NDUFA9: variants seen among roughly 807,000 people sequenced by gnomAD.
NDUFA9 encodes the protein NADH:ubiquinone oxidoreductase subunit A9.
A neutral mutation model predicts 45.9 loss-of-function variants in NDUFA9; 23 were observed. The ratio of observed to expected loss-of-function variants is 0.50; its 90% CI spans 0.36 to 0.71. The LOEUF (loss-of-function observed/expected upper bound fraction) is 0.71, where lower values mean the gene tolerates loss of function less well. Ranked by LOEUF, NDUFA9 falls within the 30% of genes least tolerant of loss-of-function variation. The probability of loss-of-function intolerance (pLI) is 0.00; values close to 1 mark genes in which losing one functional copy is unlikely to be tolerated. For synonymous variants in NDUFA9, 176 were observed against 170.5 expected (o/e 1.03, Z -0.25); for missense variants, 466 against 488.2 (o/e 0.95, Z 0.43).
intron 1 of NDUFA9, among the ~76,000 whole-genome samples, chr12:4,650,692 A>T (rs1945753895): frequency 6.6e-6 from 1 of 152,202 alleles, no homozygotes; most frequent in South Asian, 2.1e-4. Context: ...AAAGGGAAAG[A>T]TTAGTATCAT....
At chr12:4,662,041 C>T (rs1945826119) in intron 5 of NDUFA9, among the ~76,000 whole-genome samples, 1 of 152,052 alleles carries the variant, frequency 6.6e-6, no homozygotes, top group Non-Finnish European at 1.5e-5. Context: ...GAAGACTTGC[C>T]TAGGAGGCTA....
At chr12:4,668,400 T>C (rs1945865611) in intron 6 of NDUFA9, 57 bp from the exon 7 acceptor site, 1 of 1,326,288 alleles carries the variant, frequency 7.5e-7, no homozygotes, top group East Asian at 2.3e-5. Flanking sequence ...TTAAGACTGT[T>C]GGATCTTACA....
rs34173659 is a variant in NDUFA9, at chr12:4,659,355, TTC to T, written c.552+180_552+181del. 0.25 allele frequency among the ~76,000 whole-genome samples: 37,559 copies of T among 152,060 alleles called. 4,817 individuals are homozygous for T. Among genetic ancestry groups the T allele is most frequent in the Middle Eastern group, 0.38 (112 of 292 alleles). Reference sequence around the variant, plus strand: ...TGTTTTGACGTTTTGATTGATTGCCTTCTGTTTGCAGGGAACTGTGCTATGGG... The same window carrying T: ...TGTTTTGACGTTTTGATTGATTGCCTTGTTTGCAGGGAACTGTGCTATGGG... On this transcript the variant is annotated intron_variant, in intron 5 of 10. Coordinates refer to ENST00000266544, the MANE Select transcript of NDUFA9 (RefSeq NM_005002.5).
chr12:4,658,934 A>G, intron 4 of NDUFA9, 102 bp from the exon 5 acceptor site: 2 of 1,182,384 alleles, frequency 1.7e-6, no homozygotes, highest in Middle Eastern at 3.0e-4. Flanking sequence ...AAGTTTAAGT[A>G]GTGTGAATTT....
chr12:4,670,700 T>C (rs560502976), intron 8 of NDUFA9, among the ~76,000 whole-genome samples: 168 of 152,358 alleles, frequency 1.1e-3, no homozygotes, highest in African/African-American at 3.7e-3. Context: ...CCATGTCAAC[T>C]AGCAGCTGCA....
chr12:4,653,570 G>A (rs1187640522), intron 1 of NDUFA9: 1 of 441,716 alleles, frequency 2.3e-6, no homozygotes, highest in South Asian at 1.6e-5. Flanking sequence ...AGAAATGGTG[G>A]AATGTTTGAC....
intron 8 of NDUFA9, among the ~76,000 whole-genome samples, chr12:4,673,088 C>G (rs1591547749): frequency 6.6e-6 from 1 of 152,208 alleles, no homozygotes; most frequent in East Asian, 1.9e-4. Context: ...CCCAGGCAAA[C>G]AGGGTCTGGT....
In NDUFA9 at chr12:4,688,530, G is replaced by C. The variant is rs1233144827; in HGVS notation, c.*1422G>C. On this transcript the variant is annotated 3_prime_UTR_variant, in exon 11 of 11. Coordinates refer to ENST00000266544, the MANE Select transcript of NDUFA9 (RefSeq NM_005002.5). ...TCCTAGGTTTTGTCCTGTCCCAGGC[G>C]TGTTGAATCAGAATCTGCATTTTAG... is the stretch of plus-strand genomic sequence containing the variant. 1.3e-5 allele frequency: 2 copies of C among 150,668 alleles called. No homozygotes were observed. The highest frequency in any genetic ancestry group is 2.9e-5 in the Non-Finnish European group (2 of 67,928). 9.3% of individuals were successfully genotyped at this position (150,668 alleles called of 1,614,324 possible).
intron 1 of NDUFA9, chr12:4,653,788 G>C (rs1268794914): frequency 3.1e-6 from 1 of 327,646 alleles, no homozygotes; most frequent in East Asian, 9.1e-5. Context: ...TTAGTCACCA[G>C]TTTCAGATTC....
chr12:4,659,869 C>T (rs949926556), intron 5 of NDUFA9, among the ~76,000 whole-genome samples: 1 of 152,164 alleles, frequency 6.6e-6, no homozygotes, highest in Admixed American at 6.5e-5. Context: ...TTTGACTCAC[C>T]ACATTAGTTT....
At chr12:4,652,876 T>C (rs1945767491) in intron 1 of NDUFA9, among the ~76,000 whole-genome samples, 1 of 152,276 alleles carries the variant, frequency 6.6e-6, no homozygotes, top group Admixed American at 6.5e-5. Context: ...ATCAGTGAGC[T>C]AGGCTATTTC....
intron 6 of NDUFA9, chr12:4,667,523 T>C: frequency 4.0e-6 from 1 of 248,334 alleles, no homozygotes; most frequent in Non-Finnish European, 8.1e-6. Flanking sequence ...TTTTTTTTTT[T>C]TTTTTTGAGA....
intron 6 of NDUFA9, among the ~76,000 whole-genome samples, chr12:4,666,000 T>G (rs1945851253): frequency 6.6e-6 from 1 of 152,136 alleles, no homozygotes; most frequent in African/African-American, 2.4e-5. Flanking sequence ...GAGACAGGTC[T>G]TGCTCTCTTG....
At position 4,668,757 on chromosome 12, in the gene NDUFA9, CAT is replaced by C. The variant is rs1945868231; in HGVS notation, c.723+234_723+235del. On this transcript the variant is annotated intron_variant, in intron 7 of 10. Coordinates refer to ENST00000266544, the MANE Select transcript of NDUFA9 (RefSeq NM_005002.5). The stretch of plus-strand genomic sequence containing the variant: ...TGTGCTAGACACATCATACATGTCA[CAT>C]GTCACTAGGGAAATAAAGATATTAA... The C allele has an allele frequency of 4.1e-5, 21 of 509,046 alleles. No homozygotes were observed. The South Asian group carries it at 5.2e-4, about 13-fold the overall frequency. The allele number at this position is 509,046 out of a possible 1,614,324, so 31.5% of individuals were successfully genotyped here. A position where few individuals can be genotyped will look rare whatever the true frequency, so the allele number is the denominator to read the frequency against.
At chr12:4,655,095 C>T (rs1945782195) in intron 3 of NDUFA9, 173 bp downstream of exon 3, 1 of 561,246 alleles carries the variant, frequency 1.8e-6, no homozygotes, top group South Asian at 2.6e-5. Context: ...GTCATGCAAG[C>T]TCTAGATTGG....
At chr12:4,682,331 T>G (rs1945958455) in intron 9 of NDUFA9, 31 bp downstream of exon 9, 5 of 1,513,490 alleles carry the variant, frequency 3.3e-6, no homozygotes, top group Middle Eastern at 1.7e-4. Context: ...GTGTGACTTC[T>G]GAAAAAGCCA....
chr12:4,685,004 A>G, intron 9 of NDUFA9: 5 of 604,228 alleles, frequency 8.3e-6, no homozygotes, highest in Non-Finnish European at 1.5e-5. Context: ...ATTTCATTTT[A>G]AGTTTAAGAT....
chr12:4,686,385 C>T (rs1189323938), intron 10 of NDUFA9, among the ~76,000 whole-genome samples: 3 of 150,682 alleles, frequency 2.0e-5, no homozygotes, highest in Non-Finnish European at 4.4e-5. Flanking sequence ...GAGCATTAGT[C>T]AACCAGGTTG....
At chr12:4,680,355 G>A (rs1000530682) in intron 8 of NDUFA9, among the ~76,000 whole-genome samples, 1 of 152,158 alleles carries the variant, frequency 6.6e-6, no homozygotes, top group Admixed American at 6.6e-5. Flanking sequence ...AGTGAGTTTT[G>A]CTTAGCAAGT....
Sources: gnomAD v4.1 joint callset for allele counts (sites outside exome capture counted in the v4.1 genomes callset) on GRCh38, gnomAD v4.1.1 for gene constraint, MANE v1.5 for transcripts, NCBI Gene and HGNC (gene_info 2026-07-23, HGNC 2026-07-21) for gene names.